CASTOR1: variants seen among roughly 807,000 people sequenced by gnomAD.
CASTOR1 encodes the protein cytosolic arginine sensor for mTORC1 subunit 1, also known as GATS protein like 3.
A neutral mutation model predicts 33.7 loss-of-function variants in CASTOR1; 18 were observed. The observed-to-expected ratio is 0.53, with a 90% CI of 0.37 to 0.79. CASTOR1 has a LOEUF of 0.79. CASTOR1 is among the 30% of genes least tolerant of loss of function. The probability of loss-of-function intolerance (pLI) is 0.00; values close to 1 mark genes in which losing one functional copy is unlikely to be tolerated. For missense variants in CASTOR1, 362 were observed against 446.3 expected (o/e 0.81, Z 1.70); for synonymous variants, 175 against 190.6 (o/e 0.92, Z 0.67).
Position 30,289,477 on chromosome 22 carries a change from T to C in CASTOR1, c.21A>G (p.Glu7=). 5 of 1,593,630 alleles carry C rather than the reference T, an allele frequency of 3.1e-6. No individual in the cohort carries two copies. Among genetic ancestry groups the C allele is most frequent in the Non-Finnish European group, 4.3e-6 (5 of 1,174,598 alleles). MELHIL[E]HRVRVLSVAR... Reference sequence around the variant, plus strand: ...CGACGCTCAGCACCCGCACCCGGTGTTCTAGGATGTGCAGCTCCATCGCGG... The same window carrying C: ...CGACGCTCAGCACCCGCACCCGGTGCTCTAGGATGTGCAGCTCCATCGCGG... Residue 7 remains glutamate, a synonymous_variant, in exon 1 of 9, where the codon GAA becomes GAG. Coordinates refer to ENST00000407689, the MANE Select transcript of CASTOR1 (RefSeq NM_001037666.3).
Position 30,286,836 on chromosome 22 carries a change from G to A in CASTOR1, c.618C>T (p.Phe206=), listed in dbSNP as rs1929784898. The A allele has an allele frequency of 4.3e-6, 7 of 1,614,118 alleles. No individual in the cohort carries two copies. The highest frequency in any genetic ancestry group is 5.9e-6 in the Non-Finnish European group (7 of 1,180,004). The change falls in exon 5 of 9, where the codon TTC becomes TTT. Residue 206 remains phenylalanine (F), a synonymous_variant. Transcript: ENST00000407689. ...AIATTLIDVL[F]YSHSTPKEAA... Reference sequence around the variant, plus strand: ...GTTCCAAGGTCCACCTGTGCGAGTAGAAGAGGACATCTATGAGGGTGGTGG... The same window carrying A: ...GTTCCAAGGTCCACCTGTGCGAGTAAAAGAGGACATCTATGAGGGTGGTGG...
chr22:30,285,963 C>T (rs1929750874), intron 7 of CASTOR1, 37 bp from the exon 8 acceptor site: 2 of 1,582,440 alleles, frequency 1.3e-6, no homozygotes, highest in Non-Finnish European at 1.7e-6. Context: ...GTGGCACATG[C>T]CGGTTGCTCC....
intron 5 of CASTOR1, chr22:30,286,606 A>G: frequency 1.4e-6 from 1 of 696,458 alleles, no homozygotes; most frequent in Admixed American, 2.4e-5. Context: ...TGAGAGGGCC[A>G]GACCAGGGCA....
intron 2 of CASTOR1, chr22:30,287,779 T>C: frequency 1.4e-6 from 1 of 698,218 alleles, no homozygotes. Flanking sequence ...GAGGTCCAGA[T>C]TCAGACAGAC....
intron 2 of CASTOR1, 121 bp from the exon 3 acceptor site, chr22:30,287,681 TG>T: frequency 1.0e-6 from 1 of 961,700 alleles, no homozygotes; most frequent in Non-Finnish European, 1.6e-6. Context: ...GTCTGGAGGC[TG>T]GGGCTCCTGA....
rs745464060 is a variant in CASTOR1, at chr22:30,288,700, C to A, written c.184+6G>T. 6.2e-7 allele frequency: 1 copy of A among 1,611,580 alleles called. No individual in the cohort carries two copies. The highest frequency in any genetic ancestry group is 8.5e-7 in the Non-Finnish European group (1 of 1,178,822). On this transcript the variant is annotated splice_donor_region_variant and intron_variant, in intron 2 of 8. Coordinates refer to ENST00000407689, the MANE Select transcript of CASTOR1 (RefSeq NM_001037666.3). The stretch of plus-strand genomic sequence containing the variant: ...CCGTACTCCCGTTCCCCAGACCAAC[C>A]CCCACCTTTAAAGCCCTCCTCGTCC...
In CASTOR1 at chr22:30,285,332, G is replaced by A. The variant is rs1271684710; in HGVS notation, c.*288C>T. 5 of 333,232 alleles carry A rather than the reference G, an allele frequency of 1.5e-5. No homozygotes were observed. The highest frequency in any genetic ancestry group is 1.2e-4 in the South Asian group (3 of 25,282). 20.6% of individuals were successfully genotyped at this position (333,232 alleles called of 1,614,324 possible). A position where few individuals can be genotyped will look rare whatever the true frequency, so the allele number is the denominator to read the frequency against. ...GGCCTCAGGCAGGGACTGTGCAAAC[G>A]CCGAGGCTGCGCAGGGAGTGATGGG... On this transcript the variant is annotated 3_prime_UTR_variant, in exon 9 of 9. Transcript: ENST00000407689.
Position 30,285,618 on chromosome 22 carries a change from C to T in CASTOR1, c.*2G>A, listed in dbSNP as rs1175153062. Reference sequence around the variant, plus strand: ...GGGAGGCTGCTCTGTTGCCCATGGGCCTCAGGAAGCCAGGCCTTCCTGCCG... The same window carrying T: ...GGGAGGCTGCTCTGTTGCCCATGGGTCTCAGGAAGCCAGGCCTTCCTGCCG... On this transcript the variant is annotated 3_prime_UTR_variant, in exon 9 of 9. Coordinates refer to ENST00000407689, the MANE Select transcript of CASTOR1 (RefSeq NM_001037666.3). 4.5e-6 allele frequency: 7 copies of T among 1,561,598 alleles called. No individual in the cohort carries two copies. The highest frequency in any genetic ancestry group is 1.4e-5 in the African/African-American group (1 of 73,588).
chr22:30,287,714 T>C (rs538831912), intron 2 of CASTOR1, 154 bp from the exon 3 acceptor site: 1 of 760,642 alleles, frequency 1.3e-6, no homozygotes, highest in Admixed American at 2.0e-5. Flanking sequence ...GTGCAAAGAC[T>C]GAGAAAGGCT....
At chr22:30,286,488 C>A in intron 5 of CASTOR1, 112 bp from the exon 6 acceptor site, 1 of 778,576 alleles carries the variant, frequency 1.3e-6, no homozygotes, top group Non-Finnish European at 2.1e-6. Context: ...CCTGGGCAGG[C>A]TCTGCCATAT....
In CASTOR1 at chr22:30,287,678, G is replaced by A. The variant is rs147532076; in HGVS notation, c.185-118C>T. 97 of 995,048 alleles carry A rather than the reference G, an allele frequency of 9.7e-5. No homozygotes were observed. In the East Asian group the frequency reaches 2.3e-3, roughly 24 times the overall value. 61.6% of individuals were successfully genotyped at this position (995,048 alleles called of 1,614,324 possible). On this transcript the variant is annotated intron_variant, in intron 2 of 8. Transcript: ENST00000407689. ...CCATCAAGGTAAGGGCAGGTCTGGA[G>A]GCTGGGGCTCCTGAAGTCCCTATGT...
At chr22:30,289,071 C>A (rs866292316) in intron 1 of CASTOR1, 3 of 561,588 alleles carry the variant, frequency 5.3e-6, no homozygotes, top group Admixed American at 6.6e-5. Flanking sequence ...CCTAGTCCAG[C>A]CCCTCTGACA....
chr22:30,286,443 G>T, intron 5 of CASTOR1, 67 bp from the exon 6 acceptor site: 1 of 1,106,334 alleles, frequency 9.0e-7, no homozygotes. Context: ...CTCCCGATCA[G>T]CCTCCAGAAC....
intron 1 of CASTOR1, 63 bp from the exon 2 acceptor site, chr22:30,288,839 C>T: frequency 1.4e-6 from 2 of 1,409,924 alleles, no homozygotes; most frequent in Non-Finnish European, 2.0e-6. Context: ...GAGTGGATTT[C>T]TCTCCATCTG....
chr22:30,285,363 G>C lies in CASTOR1; in HGVS notation c.*257C>G. On this transcript the variant is annotated 3_prime_UTR_variant, in exon 9 of 9. Transcript: ENST00000407689. ...GCTGCGCAGGGAGTGATGGGTTGGGGGCTTAAGCCCCGAGCACCGTGTTCC... is the reference window on the plus strand; with the variant it reads ...GCTGCGCAGGGAGTGATGGGTTGGGCGCTTAAGCCCCGAGCACCGTGTTCC... 2.3e-6 allele frequency: 1 copy of C among 427,110 alleles called. No individual in the cohort carries two copies. The highest frequency in any genetic ancestry group is 4.5e-5 in the East Asian group (1 of 22,168). 26.5% of individuals were successfully genotyped at this position (427,110 alleles called of 1,614,324 possible). A position where few individuals can be genotyped will look rare whatever the true frequency, so the allele number is the denominator to read the frequency against.
intron 2 of CASTOR1, 193 bp from the exon 3 acceptor site, chr22:30,287,753 T>C: frequency 1.4e-6 from 1 of 707,840 alleles, no homozygotes; most frequent in Non-Finnish European, 2.6e-6. Flanking sequence ...GCATTGAAAC[T>C]TCCCACTTAA....
chr22:30,286,881 A>C lies in CASTOR1; in HGVS notation c.573T>G (p.Pro191=), dbSNP rs1169495878. 31 of 1,614,076 alleles carry C rather than the reference A, an allele frequency of 1.9e-5. No homozygotes were observed. Among genetic ancestry groups the C allele is most frequent in the Non-Finnish European group, 2.5e-5 (30 of 1,179,902 alleles). The part of the protein sequence containing the change: ...QNRFCVLTLD[P]ETLPAIATTL... The stretch of plus-strand genomic sequence containing the variant: ...TGGTGGCGATGGCTGGAAGCGTCTC[A>C]GGGTCCAGTGTGAGGACACAGAAGC... Residue 191 remains proline (P), a synonymous_variant, in exon 5 of 9, where the codon CCT becomes CCG. Coordinates refer to ENST00000407689, the MANE Select transcript of CASTOR1 (RefSeq NM_001037666.3).
Position 30,285,671 on chromosome 22 carries a change from G to A in CASTOR1, c.939C>T (p.Ile313=), listed in dbSNP as rs768496780. Residue 313 remains isoleucine, a synonymous_variant, in exon 9 of 9, where the codon ATC becomes ATT. Transcript: ENST00000407689. ...FDHALVPEDG[I]GSVIEVLQRR... ...GCTGGAGGACCTCGATGACGCTGCC[G>A]ATACCGTCCTCGGGCACCTGAGGGC... 30 of 1,570,494 alleles carry A rather than the reference G, an allele frequency of 1.9e-5. No homozygotes were observed. Among genetic ancestry groups the A allele is most frequent in the African/African-American group, 8.1e-5 (6 of 74,012 alleles).
In CASTOR1 at chr22:30,287,510, G is replaced by C; in HGVS notation, c.235C>G (p.Leu79Val). The C allele has an allele frequency of 6.2e-7, 1 of 1,613,352 alleles. No individual in the cohort carries two copies. Among genetic ancestry groups the C allele is most frequent in the Non-Finnish European group, 8.5e-7 (1 of 1,180,022 alleles). Reference sequence around the variant, plus strand: ...GCACCGCTGTGAGACGACACGTTCAGCACCAGCCATGTGGCCTCAGCTACT... The same window carrying C: ...GCACCGCTGTGAGACGACACGTTCACCACCAGCCATGTGGCCTCAGCTACT... Reference protein sequence around the residue: ...LQVAEATWLVLNVSSHSGAAV... With the variant: ...LQVAEATWLVVNVSSHSGAAV... The change falls in exon 3 of 9, where the codon CTG becomes GTG. Residue 79 changes from leucine to valine, a missense_variant. Physicochemically the swap from Leu to Val is conservative, Grantham distance 32. Transcript: ENST00000407689.
Sources: allele counts gnomAD v4.1 joint callset, GRCh38; gene constraint gnomAD v4.1.1; transcripts MANE v1.5; gene names NCBI Gene and HGNC (gene_info 2026-07-23, HGNC 2026-07-21).